IGBP1: variants seen among roughly 807,000 people sequenced by gnomAD.
IGBP1 encodes immunoglobulin binding protein 1.
A neutral mutation model predicts 25.9 loss-of-function variants in IGBP1; 2 were observed. That is an observed-to-expected ratio of 0.08 (90% CI 0.03 to 0.24). IGBP1 has a LOEUF of 0.24. IGBP1 is among the 10% of genes least tolerant of loss of function. IGBP1 has a pLI of 1.00. For missense variants in IGBP1, 187 were observed against 260.4 expected, an observed-to-expected ratio of 0.72 and a Z score of 1.94; for synonymous variants, 96 against 93.4, an observed-to-expected ratio of 1.03 and a Z score of -0.16.
intron 3 of IGBP1, among the ~76,000 whole-genome samples, chrX:70,142,664 T>G (rs972297267): frequency 1.8e-5 from 2 of 108,908 alleles, no homozygotes; most frequent in Non-Finnish European, 3.8e-5. Context: ...ACAAAAAAAT[T>G]AAAAATTAGC....
At chrX:70,165,753 A>C (rs774598355) in intron 6 of IGBP1, 80 bp from the exon 7 acceptor site, 1 of 906,880 alleles carries the variant, frequency 1.1e-6, no homozygotes, top group African/African-American at 2.0e-5. Context: ...GGTTGTGCTC[A>C]GAGTGGAACT....
intron 3 of IGBP1, among the ~76,000 whole-genome samples, chrX:70,138,300 G>T (rs1045441476): frequency 1.8e-5 from 2 of 110,177 alleles, no homozygotes; most frequent in African/African-American, 6.6e-5. Context: ...AGGCAACAAA[G>T]TAAGACTCTG....
At chrX:70,154,118 C>T (rs1391770768) in intron 6 of IGBP1, among the ~76,000 whole-genome samples, 2 of 98,558 alleles carry the variant, frequency 2.0e-5, no homozygotes, top group East Asian at 6.5e-4. Flanking sequence ...AGGGCAGTGG[C>T]GCGATCTCGG....
At chrX:70,155,328 A>G (rs1454634150) in intron 6 of IGBP1, among the ~76,000 whole-genome samples, 1 of 110,043 alleles carries the variant, frequency 9.1e-6, no homozygotes, top group Non-Finnish European at 1.9e-5. Context: ...AACCCCATCT[A>G]TACTAAAAAT....
chrX:70,155,939 C>T (rs759744912), intron 6 of IGBP1, among the ~76,000 whole-genome samples: 1 of 112,087 alleles, frequency 8.9e-6, no homozygotes, highest in South Asian at 3.7e-4. Context: ...TGAATACTTA[C>T]AGGCTACTGT....
At chrX:70,136,484 T>TG (rs2085095393) in intron 3 of IGBP1, among the ~76,000 whole-genome samples, 1 of 111,289 alleles carries the variant, frequency 9.0e-6, no homozygotes, top group African/African-American at 3.3e-5. Context: ...CCATTTATGA[T>TG]GGATTTATTG....
intron 3 of IGBP1, among the ~76,000 whole-genome samples, chrX:70,140,673 C>T (rs1187596269): frequency 8.9e-6 from 1 of 111,935 alleles, no homozygotes; most frequent in Non-Finnish European, 1.9e-5. Context: ...TGTCCTCTGT[C>T]TCAAAACCTG....
At chrX:70,147,663 C>T (rs2085175052) in intron 4 of IGBP1, among the ~76,000 whole-genome samples, 2 of 111,948 alleles carry the variant, frequency 1.8e-5, no homozygotes. Flanking sequence ...ACAGAATGTC[C>T]AGTAAACTGG....
intron 3 of IGBP1, among the ~76,000 whole-genome samples, chrX:70,142,058 T>G (rs2085133587): frequency 9.0e-6 from 1 of 111,600 alleles, no homozygotes; most frequent in Non-Finnish European, 1.9e-5. Flanking sequence ...GTAGGCCAGG[T>G]GTGGTGGCTC....
At chrX:70,137,729 G>A in intron 3 of IGBP1, among the ~76,000 whole-genome samples, 1 of 81,841 alleles carries the variant, frequency 1.2e-5, no homozygotes, top group Non-Finnish European at 2.2e-5. Flanking sequence ...TAAACAGTGA[G>A]TTTGGTATCC....
intron 6 of IGBP1, among the ~76,000 whole-genome samples, chrX:70,156,854 C>G (rs984622473): frequency 3.6e-5 from 4 of 111,639 alleles, no homozygotes; most frequent in African/African-American, 6.5e-5. Context: ...GCAGGAGAAT[C>G]GGTTGAGTCT....
At chrX:70,149,095 G>C (rs2085185758) in intron 5 of IGBP1, 1 of 324,055 alleles carries the variant, frequency 3.1e-6, no homozygotes, top group African/African-American at 2.7e-5. Context: ...GGACATGATG[G>C]CACATGCCTG....
Position 70,155,574 on chromosome X carries a change from C to T in IGBP1, c.871+5252C>T, listed in dbSNP as rs1296529271. ...GAAAAACCTGAAATGCTCCAAAATC[C>T]GAAACTTCTTAAGGCTAATGTGATG... On this transcript the variant is annotated intron_variant, in intron 6 of 6. Coordinates refer to ENST00000356413, the MANE Select transcript of IGBP1 (RefSeq NM_001551.3). Among the ~76,000 whole-genome samples, 4 of 110,240 alleles carry T rather than the reference C, an allele frequency of 3.6e-5. No individual in the cohort carries two copies. In the East Asian group the frequency reaches 8.5e-4, roughly 24 times the overall value.
At chrX:70,140,904 G>A (rs1435812085) in intron 3 of IGBP1, among the ~76,000 whole-genome samples, 2 of 111,942 alleles carry the variant, frequency 1.8e-5, no homozygotes, top group Non-Finnish European at 3.8e-5. Context: ...AGACTGTTTT[G>A]TGACTGATGT....
intron 3 of IGBP1, among the ~76,000 whole-genome samples, chrX:70,142,900 G>A (rs1250033767): frequency 1.9e-5 from 2 of 104,384 alleles, no homozygotes; most frequent in Non-Finnish European, 3.9e-5. Flanking sequence ...AAGAGGAAGA[G>A]TGAAGTTATC....
chrX:70,162,065 G>A (rs944266234), intron 6 of IGBP1, among the ~76,000 whole-genome samples: 10 of 112,027 alleles, frequency 8.9e-5, no homozygotes, highest in Admixed American at 3.8e-4. Flanking sequence ...TCAAGGAGGT[G>A]TAGCATGACT....
At chrX:70,155,530 G>T (rs1250760085) in intron 6 of IGBP1, among the ~76,000 whole-genome samples, 2 of 107,819 alleles carry the variant, frequency 1.9e-5, no homozygotes, top group Non-Finnish European at 3.8e-5. Context: ...TATAGGTTGA[G>T]CATCCTAAAT....
chrX:70,149,164 G>A (rs1054626732), intron 5 of IGBP1, among the ~76,000 whole-genome samples: 3 of 110,196 alleles, frequency 2.7e-5, no homozygotes, highest in African/African-American at 1.0e-4. Flanking sequence ...GGAGGGGGAG[G>A]TTGTGGTGAG....
chrX:70,134,150 AGTAATAATGGCTGAGAACGAAG>A lies in IGBP1; in HGVS notation c.188+26_188+47del, dbSNP rs777232654. 2.3e-5 allele frequency: 27 copies of A among 1,194,255 alleles called. No individual in the cohort carries two copies. In the South Asian group the frequency reaches 4.4e-4, roughly 20 times the overall value. On this transcript the variant is annotated intron_variant, in intron 2 of 6. Coordinates refer to ENST00000356413, the MANE Select transcript of IGBP1 (RefSeq NM_001551.3). The stretch of plus-strand genomic sequence containing the variant: ...GACTTGTTCAGGTATGGGGGAAGAT[AGTAATAATGGCTGAGAACGAAG>A]GTAATAATGGTTACCAAGGGTGGAG...
Sources: gnomAD v4.1 joint callset for allele counts (sites outside exome capture counted in the v4.1 genomes callset) on GRCh38, gnomAD v4.1.1 for gene constraint, MANE v1.5 for transcripts, NCBI Gene and HGNC (gene_info 2026-07-23, HGNC 2026-07-21) for gene names.